Variants in CUX1 observed in about 807,000 individuals in gnomAD.
CUX1 encodes cut like homeobox 1, also known as protein CASP.
CUX1 carries 31 observed loss-of-function variants against 158.8 expected under a neutral mutation model. The ratio of observed to expected loss-of-function variants is 0.20; its 90% CI spans 0.15 to 0.26. The LOEUF is 0.26. Among genes scored for constraint, CUX1 ranks in the 10% least tolerant of loss-of-function variants. CUX1 has a pLI of 1.00. For synonymous variants in CUX1, 879 were observed against 862.1 expected, an observed-to-expected ratio of 1.02 and a Z score of -0.34; for missense variants, 1,589 against 2,014.6, an observed-to-expected ratio of 0.79 and a Z score of 4.04.
At chr7:102,128,911 G>A (rs1448903654) in intron 8 of CUX1, among the ~76,000 whole-genome samples, 1 of 151,920 alleles carries the variant, frequency 6.6e-6, no homozygotes, top group Non-Finnish European at 1.5e-5. Flanking sequence ...TGGGGAGGTG[G>A]AGGTTGCAGT....
intron 1 of CUX1, among the ~76,000 whole-genome samples, chr7:101,884,417 T>C (rs1202394274): frequency 6.6e-6 from 1 of 152,254 alleles, no homozygotes; most frequent in Non-Finnish European, 1.5e-5. Context: ...CGGTAATTGC[T>C]GTAGTACTCA....
At chr7:102,147,216 G>A (rs1460973094) in intron 8 of CUX1, among the ~76,000 whole-genome samples, 7 of 152,094 alleles carry the variant, frequency 4.6e-5, no homozygotes, top group Admixed American at 4.6e-4. Context: ...CTCTACTTCT[G>A]CCAAAGCAGA....
intron 4 of CUX1, among the ~76,000 whole-genome samples, chr7:102,081,115 T>C (rs782016455): frequency 6.6e-6 from 1 of 152,206 alleles, no homozygotes; most frequent in Non-Finnish European, 1.5e-5. Context: ...TCTTCCTCCT[T>C]AGACTTTTGT....
At chr7:102,269,840 G>A (rs1554545885) in intron 14 of CUX1, among the ~76,000 whole-genome samples, 1 of 152,064 alleles carries the variant, frequency 6.6e-6, no homozygotes, top group Non-Finnish European at 1.5e-5. Context: ...ACGCTTCCAA[G>A]CTCTGACCGT....
chr7:101,878,777 A>G (rs1365618268), intron 1 of CUX1, among the ~76,000 whole-genome samples: 1 of 151,988 alleles, frequency 6.6e-6, no homozygotes, highest in East Asian at 1.9e-4. Flanking sequence ...GGCTCACACA[A>G]TTCTCCTGCC....
At chr7:102,263,563 G>T (rs570096266) in intron 14 of CUX1, among the ~76,000 whole-genome samples, 1 of 152,020 alleles carries the variant, frequency 6.6e-6, no homozygotes, top group African/African-American at 2.4e-5. Context: ...TGATCTGCCC[G>T]CTTCAGCCTC....
intron 1 of CUX1, among the ~76,000 whole-genome samples, chr7:101,836,611 G>A (rs1314673360): frequency 6.6e-6 from 1 of 151,200 alleles, no homozygotes; most frequent in Non-Finnish European, 1.5e-5. Context: ...GGAGGCCAAG[G>A]CGGGTGCATC....
chr7:102,232,032 TA>T (rs879994180), intron 21 of CUX1, among the ~76,000 whole-genome samples: 236 of 140,840 alleles, frequency 1.7e-3, no homozygotes, highest in Admixed American at 1.7e-3. Context: ...TTATAACAAC[TA>T]AAAAAAAAAA....
intron 1 of CUX1, among the ~76,000 whole-genome samples, chr7:101,857,145 GC>G (rs1796939710): frequency 6.6e-6 from 1 of 152,036 alleles, no homozygotes; most frequent in Non-Finnish European, 1.5e-5. Flanking sequence ...CCCTTACCCC[GC>G]CCGGTGTTAG....
intron 2 of CUX1, among the ~76,000 whole-genome samples, chr7:102,005,396 C>T (rs754337810): frequency 9.9e-5 from 15 of 152,178 alleles, no homozygotes; most frequent in Non-Finnish European, 2.1e-4. Context: ...TGCAGTAGCA[C>T]GATCATAGCT....
At chr7:102,205,267 G>T in intron 20 of CUX1, 97 bp downstream of exon 20, 1 of 890,890 alleles carries the variant, frequency 1.1e-6, no homozygotes. Context: ...CCGAGGGACC[G>T]CACATTCTGG....
At chr7:101,987,181 C>T (rs980837393) in intron 2 of CUX1, among the ~76,000 whole-genome samples, 2 of 152,210 alleles carry the variant, frequency 1.3e-5, no homozygotes, top group Non-Finnish European at 2.9e-5. Flanking sequence ...TTTCGATTCA[C>T]TCCCGCATCC....
chr7:101,964,962 C>T (rs1810974156), intron 2 of CUX1, among the ~76,000 whole-genome samples: 1 of 152,184 alleles, frequency 6.6e-6, no homozygotes, highest in African/African-American at 2.4e-5. Flanking sequence ...CTTTCCAACA[C>T]CAGTGTGTGT....
chr7:101,888,043 C>T (rs1800431258), intron 1 of CUX1, among the ~76,000 whole-genome samples: 1 of 152,110 alleles, frequency 6.6e-6, no homozygotes, highest in South Asian at 2.1e-4. Context: ...GTTCCATAAA[C>T]ATTATTGAGG....
chr7:102,281,947 G>A (rs1554549419), intron 21 of CUX1: 1 of 1,521,354 alleles, frequency 6.6e-7, no homozygotes. Flanking sequence ...GCGGGCCAGA[G>A]GCACATTCAC....
Position 101,896,695 on chromosome 7 carries a change from A to G in CUX1, c.31-19420A>G, listed in dbSNP as rs115827965. On this transcript the variant is annotated intron_variant, in intron 1 of 23. Coordinates refer to ENST00000292535, the MANE Select transcript of CUX1 (RefSeq NM_181552.4). ...TCTGAAACTTGATGAATTCTCAGTC[A>G]TGGAATTAACAGGTCTTAAATGGGA... Among the ~76,000 whole-genome samples, 894 of 152,346 alleles carry G rather than the reference A, an allele frequency of 5.9e-3. 13 individuals are homozygous for G. The highest frequency in any genetic ancestry group is 0.021 in the African/African-American group (863 of 41,574).
At chr7:101,938,485 G>C (rs888004275) in intron 2 of CUX1, among the ~76,000 whole-genome samples, 1 of 152,200 alleles carries the variant, frequency 6.6e-6, no homozygotes, top group Non-Finnish European at 1.5e-5. Context: ...GTGTCAATCA[G>C]TTCTTCACTG....
At chr7:102,141,725 C>T (rs938720169) in intron 8 of CUX1, among the ~76,000 whole-genome samples, 10 of 151,450 alleles carry the variant, frequency 6.6e-5, no homozygotes, top group Non-Finnish European at 1.0e-4. Context: ...CGGGTTCAAG[C>T]AATTCTCCCA....
intron 1 of CUX1, among the ~76,000 whole-genome samples, chr7:101,903,649 C>G (rs1802409546): frequency 2.0e-5 from 3 of 152,170 alleles, no homozygotes; most frequent in Admixed American, 2.0e-4. Flanking sequence ...TGCCACAGAG[C>G]CGGCCACGTG....
Sources: allele counts gnomAD v4.1 joint callset (sites outside exome capture counted in the v4.1 genomes callset), GRCh38; gene constraint gnomAD v4.1.1; transcripts MANE v1.5; gene names NCBI Gene and HGNC (gene_info 2026-07-23, HGNC 2026-07-21).